TOM1: variants seen among roughly 807,000 people sequenced by gnomAD.
TOM1 encodes target of Myb protein 1.
TOM1 carries 38 observed loss-of-function variants against 61.3 expected under a neutral mutation model. The ratio of observed to expected loss-of-function variants is 0.62; its 90% CI spans 0.48 to 0.81. The LOEUF (loss-of-function observed/expected upper bound fraction) is 0.81. TOM1 is among the 40% of genes least tolerant of loss of function. The probability of loss-of-function intolerance (pLI) is 0.00; values close to 1 mark genes in which losing one functional copy is unlikely to be tolerated. For missense variants in TOM1, 591 were observed against 659.6 expected (o/e 0.90, Z 1.14); for synonymous variants, 270 against 268.8 (o/e 1.00, Z -0.04).
rs572529174 is a variant in TOM1 at position 35,323,959 on chromosome 22, C to T, written c.648+45C>T. 2.0e-6 allele frequency: 3 copies of T among 1,512,538 alleles called. No homozygotes were observed. Among genetic ancestry groups the T allele is most frequent in the South Asian group, 1.3e-5 (1 of 74,748 alleles). 93.7% of individuals were successfully genotyped at this position (1,512,538 alleles called of 1,614,324 possible). A position where few individuals can be genotyped will look rare whatever the true frequency, so the allele number is the denominator to read the frequency against. On this transcript the variant is annotated intron_variant, in intron 6 of 14. Transcript: ENST00000449058. This position sits in a 1 kb window ranked among gnomAD's most constrained non-coding sequence, Gnocchi z 4.2. The stretch of plus-strand genomic sequence containing the variant: ...GAACCGTCAGGTCCAGGCAGGTGGG[C>T]CACACACGTCAGGGAGGGCCCCCTG...
chr22:35,339,204 G>A (rs1392891839), intron 12 of TOM1, among the ~76,000 whole-genome samples: 1 of 152,172 alleles, frequency 6.6e-6, no homozygotes, highest in Non-Finnish European at 1.5e-5. Context: ...GGTGGCACAT[G>A]CCTGTAATCC....
intron 7 of TOM1, among the ~76,000 whole-genome samples, chr22:35,329,316 A>G (rs1366891089): frequency 6.6e-6 from 1 of 152,228 alleles, no homozygotes; most frequent in Non-Finnish European, 1.5e-5. Flanking sequence ...CGGTGACGTG[A>G]TAACTAAATG....
chr22:35,335,988 AG>A (rs1291464302), intron 11 of TOM1, among the ~76,000 whole-genome samples: 2 of 152,086 alleles, frequency 1.3e-5, no homozygotes, highest in Non-Finnish European at 2.9e-5. Context: ...CACACAGGGA[AG>A]GGGGCAGGAT....
chr22:35,327,407 C>A lies in TOM1; in HGVS notation c.765+20C>A. 6.4e-7 allele frequency: 1 copy of A among 1,574,624 alleles called. No homozygotes were observed. Among genetic ancestry groups the A allele is most frequent in the Non-Finnish European group, 8.7e-7 (1 of 1,149,370 alleles). On this transcript the variant is annotated intron_variant, in intron 7 of 14. Transcript: ENST00000449058. The stretch of plus-strand genomic sequence containing the variant: ...CTGCAGGTGAGCAGGTGGCACCACC[C>A]CCTGGGGCTCAGATGACTCCTGCCC...
At chr22:35,305,519 A>G (rs1486624258) in intron 1 of TOM1, among the ~76,000 whole-genome samples, 5 of 151,956 alleles carry the variant, frequency 3.3e-5, no homozygotes, top group Non-Finnish European at 4.4e-5. Flanking sequence ...AATTAGCTGG[A>G]CGTGGTGGCA....
chr22:35,312,914 G>A (rs1190141437), intron 1 of TOM1, among the ~76,000 whole-genome samples: 2 of 152,206 alleles, frequency 1.3e-5, no homozygotes, highest in African/African-American at 2.4e-5. Flanking sequence ...TGAGTAGAGC[G>A]TGGAGGTGAC....
At position 35,323,770 on chromosome 22, in the gene TOM1, C is replaced by T. The variant is rs772448490; in HGVS notation, c.504C>T (p.Thr168=). The T allele has an allele frequency of 8.1e-6, 13 of 1,605,616 alleles. No homozygotes were observed. Among genetic ancestry groups the T allele is most frequent in the South Asian group, 5.6e-5 (5 of 90,072 alleles). ...MLSPIHTPQR[T]VFNSETQSGQ... is the part of the protein sequence containing the mutation. ...TGATCCTGTTTTCCTCCCACTAGAC[C>T]GTGTTCAACTCAGAGACACAATCAG... Residue 168 remains threonine, a splice_region_variant and synonymous_variant, in exon 6 of 15, where the codon ACC becomes ACT. Transcript: ENST00000449058. The surrounding 1 kb of genome is among the most constrained non-coding windows in gnomAD (Gnocchi z 4.2).
intron 12 of TOM1, among the ~76,000 whole-genome samples, chr22:35,339,002 C>G (rs1929636473): frequency 6.6e-6 from 1 of 152,196 alleles, no homozygotes; most frequent in African/African-American, 2.4e-5. Context: ...TTGCCCAAGC[C>G]CACAAGCAAG....
intron 8 of TOM1, among the ~76,000 whole-genome samples, chr22:35,332,583 C>T (rs768862150): frequency 1.0e-4 from 10 of 96,076 alleles, no homozygotes; most frequent in Non-Finnish European, 2.0e-4. Context: ...GAAGAGAGCA[C>T]TAACACACAC....
At chr22:35,303,210 C>A (rs1926008440) in intron 1 of TOM1, among the ~76,000 whole-genome samples, 1 of 152,108 alleles carries the variant, frequency 6.6e-6, no homozygotes, top group Non-Finnish European at 1.5e-5. Context: ...CACTGAGGAG[C>A]TCCAGATCAC....
chr22:35,299,641 A>G, upstream of TOM1: 1 of 471,792 alleles, frequency 2.1e-6, no homozygotes, highest in Non-Finnish European at 3.8e-6. Context: ...TCGCCCTAAA[A>G]GGTCAGGGGC....
chr22:35,321,557 C>G (rs1421277488), intron 2 of TOM1, among the ~76,000 whole-genome samples: 1 of 152,182 alleles, frequency 6.6e-6, no homozygotes. Context: ...TACCACCACG[C>G]CCGGCAAATT....
chr22:35,321,800 C>A, intron 2 of TOM1, 159 bp from the exon 3 acceptor site: 1 of 751,968 alleles, frequency 1.3e-6, no homozygotes, highest in Non-Finnish European at 2.5e-6. Context: ...AAGCAATGGG[C>A]TAGGAAGATT....
Position 35,347,075 on chromosome 22 carries a change from G to T in TOM1, c.1345G>T (p.Glu449Ter). 6.2e-7 allele frequency: 1 copy of T among 1,612,264 alleles called. No individual in the cohort carries two copies. Among genetic ancestry groups the T allele is most frequent in the African/African-American group, 1.3e-5 (1 of 74,982 alleles). ...TSEEFDKFLE[E>*]RAKAADRLPN... ...TCTAGAATTTGACAAATTCCTGGAA[G>T]AACGGGCCAAAGCCGCGGACCGATT... Residue 449 changes from glutamate to a stop codon, truncating the protein, a stop_gained, in exon 15 of 15, where the codon GAA (glutamate) becomes TAA (stop). Transcript: ENST00000449058. LOFTEE classifies it high-confidence loss of function.
intron 2 of TOM1, among the ~76,000 whole-genome samples, chr22:35,320,814 G>T (rs1209508413): frequency 6.6e-6 from 1 of 151,940 alleles, no homozygotes; most frequent in Non-Finnish European, 1.5e-5. Flanking sequence ...TACATATTGG[G>T]TGCTTAATAA....
At chr22:35,314,201 G>T (rs1486722474) in intron 1 of TOM1, among the ~76,000 whole-genome samples, 2 of 129,468 alleles carry the variant, frequency 1.5e-5, no homozygotes, top group Non-Finnish European at 3.6e-5. Context: ...GGGTTGGCAA[G>T]TGATGGTCTG....
chr22:35,316,107 C>T (rs1262321738), intron 1 of TOM1, among the ~76,000 whole-genome samples: 1 of 152,280 alleles, frequency 6.6e-6, no homozygotes, highest in East Asian at 1.9e-4. Flanking sequence ...TGCTCAAGTG[C>T]CTGGCCCATC....
rs139042198 is a variant in TOM1, at chr22:35,326,590, G to A, written c.649-681G>A. Reference sequence around the variant, plus strand: ...GGACACCAAAATAGACCAGAAACAGGACAAAATCCCAGTCCACTAGGAGGA... The same window carrying A: ...GGACACCAAAATAGACCAGAAACAGAACAAAATCCCAGTCCACTAGGAGGA... On this transcript the variant is annotated intron_variant, in intron 6 of 14. Coordinates refer to ENST00000449058, the MANE Select transcript of TOM1 (RefSeq NM_005488.3). Among the ~76,000 whole-genome samples the A allele has an allele frequency of 5.1e-3, 773 of 152,312 alleles. 9 individuals carry two copies. The highest frequency in any genetic ancestry group is 0.018 in the African/African-American group (747 of 41,568).
chr22:35,319,391 G>A (rs1289320596), intron 2 of TOM1, among the ~76,000 whole-genome samples: 1 of 152,178 alleles, frequency 6.6e-6, no homozygotes, highest in Non-Finnish European at 1.5e-5. Flanking sequence ...CACCAAGCAT[G>A]GCACCTAAAC....
Sources: gnomAD v4.1 joint callset for allele counts (sites outside exome capture counted in the v4.1 genomes callset) on GRCh38, gnomAD v4.1.1 for gene constraint, Gnocchi (gnomAD v3.1) non-coding constraint, MANE v1.5 for transcripts, NCBI Gene and HGNC (gene_info 2026-07-23, HGNC 2026-07-21) for gene names.